Variants in PRKCB observed in about 807,000 individuals in gnomAD.
The protein encoded by PRKCB is protein kinase C beta.
In PRKCB, 13 loss-of-function variants were observed where a neutral mutation model predicts 81.5. That is an observed-to-expected ratio of 0.16 (90% CI 0.10 to 0.25). PRKCB has a LOEUF of 0.25. Ranked by LOEUF, PRKCB falls within the 10% of genes least tolerant of loss-of-function variation. The pLI, the probability that PRKCB is intolerant of heterozygous loss-of-function variation, is 1.00. For missense variants in PRKCB, 509 were observed against 875.7 expected (o/e 0.58, Z 5.29); for synonymous variants, 335 against 321.4 (o/e 1.04, Z -0.45).
At chr16:23,872,738 TG>T (rs1962925845) in intron 2 of PRKCB, among the ~76,000 whole-genome samples, 1 of 152,090 alleles carries the variant, frequency 6.6e-6, no homozygotes, top group South Asian at 2.1e-4. Flanking sequence ...ATTTTGTGTA[TG>T]GAAAGCACTG....
At position 24,219,464 on chromosome 16, in the gene PRKCB, A is replaced by T. The variant is rs1361214417; in HGVS notation, c.*4648A>T. On this transcript the variant is annotated 3_prime_UTR_variant, in exon 17 of 17. Coordinates refer to ENST00000643927, the MANE Select transcript of PRKCB (RefSeq NM_002738.7). ...AGTGATCTGATTTCTCCACATGGCC[A>T]TTCTGCCTTCTTGGGGGCAGAGTAG... The T allele has an allele frequency of 3.0e-6, 3 of 986,648 alleles. No homozygotes were observed. The highest frequency in any genetic ancestry group is 3.5e-5 in the African/African-American group (2 of 57,330). The allele number at this position is 986,648 out of a possible 1,614,324, so 61.1% of individuals were successfully genotyped here.
intron 16 of PRKCB, among the ~76,000 whole-genome samples, chr16:24,199,143 C>G (rs1400557400): frequency 1.3e-5 from 2 of 152,214 alleles, no homozygotes; most frequent in Admixed American, 1.3e-4. Context: ...CTGTTAGTAT[C>G]ATTTCCAAAA....
intron 4 of PRKCB, among the ~76,000 whole-genome samples, chr16:24,032,779 A>G (rs1965565840): frequency 6.6e-6 from 1 of 152,138 alleles, no homozygotes; most frequent in Non-Finnish European, 1.5e-5. Flanking sequence ...TTTGCTCCTG[A>G]TCCACTGGTC....
At chr16:23,867,987 A>G (rs1962835845) in intron 2 of PRKCB, among the ~76,000 whole-genome samples, 1 of 9,856 alleles carries the variant, frequency 1.0e-4, no homozygotes, top group Non-Finnish European at 1.5e-4. Flanking sequence ...CATCACACAT[A>G]AAACAGGGGA....
intron 2 of PRKCB, among the ~76,000 whole-genome samples, chr16:23,920,914 G>C (rs1315880278): frequency 6.6e-6 from 1 of 152,212 alleles, no homozygotes; most frequent in African/African-American, 2.4e-5. Flanking sequence ...AGGTTTAATG[G>C]ACTCACAGTT....
At chr16:24,061,943 T>C (rs1170048327) in intron 5 of PRKCB, among the ~76,000 whole-genome samples, 2 of 144,180 alleles carry the variant, frequency 1.4e-5, no homozygotes, top group Non-Finnish European at 3.0e-5. Context: ...ACTTGAGGCC[T>C]GCTGGACTTT....
At chr16:23,943,892 G>A (rs1964170579) in intron 2 of PRKCB, among the ~76,000 whole-genome samples, 1 of 152,134 alleles carries the variant, frequency 6.6e-6, no homozygotes, top group Admixed American at 6.5e-5. Context: ...AACATAGAGG[G>A]GAAAAGATCA....
At chr16:24,039,171 C>T (rs959712214) in intron 5 of PRKCB, among the ~76,000 whole-genome samples, 13 of 152,252 alleles carry the variant, frequency 8.5e-5, no homozygotes, top group East Asian at 3.9e-4. Context: ...GCTGGTACCT[C>T]GATCTTGGAC....
At position 24,037,204 on chromosome 16, in the gene PRKCB, G is replaced by C. The variant is rs542636864; in HGVS notation, c.529+1657G>C. On this transcript the variant is annotated intron_variant, in intron 5 of 16. Transcript: ENST00000643927. ...GGGTTTCACCACGTTGGCCAGGCTG[G>C]TCTAGAACTCCTGACCTCAAGTGAT... Among the ~76,000 whole-genome samples the C allele has an allele frequency of 3.3e-3, 509 of 152,204 alleles. 1 individual carries two copies. Among genetic ancestry groups the C allele is most frequent in the African/African-American group, 0.011 (472 of 41,542 alleles).
chr16:23,875,501 A>G (rs1962982429), intron 2 of PRKCB, among the ~76,000 whole-genome samples: 11 of 7,142 alleles, frequency 1.5e-3, no homozygotes, highest in Non-Finnish European at 2.2e-3. Flanking sequence ...ATATATATAT[A>G]TATATGATGT....
At chr16:24,204,982 T>A (rs1968021347) in intron 16 of PRKCB, among the ~76,000 whole-genome samples, 1 of 151,790 alleles carries the variant, frequency 6.6e-6, no homozygotes, top group Admixed American at 6.6e-5. Context: ...TAGCTGGGCA[T>A]GGTGATGGGT....
intron 8 of PRKCB, among the ~76,000 whole-genome samples, chr16:24,118,508 T>C (rs1418552877): frequency 6.6e-6 from 1 of 152,134 alleles, no homozygotes; most frequent in African/African-American, 2.4e-5. Context: ...TGGGAGTGCC[T>C]GTAGTAGTTC....
At chr16:24,200,946 C>T (rs995317330) in intron 16 of PRKCB, among the ~76,000 whole-genome samples, 1 of 152,064 alleles carries the variant, frequency 6.6e-6, no homozygotes, top group African/African-American at 2.4e-5. Context: ...TATTTTGATA[C>T]TGGTCCATGG....
chr16:24,133,798 AGGAGGCG>A (rs1301092128), intron 9 of PRKCB, among the ~76,000 whole-genome samples: 1 of 152,194 alleles, frequency 6.6e-6, no homozygotes, highest in Non-Finnish European at 1.5e-5. Context: ...TTCTCCAAGA[AGGAGGCG>A]GGACCTTGAA....
intron 9 of PRKCB, among the ~76,000 whole-genome samples, chr16:24,144,484 T>C (rs412499): frequency 0.38 from 57,617 of 151,870 alleles, 11,528 homozygotes; most frequent in African/African-American, 0.51. Flanking sequence ...TATTTTTAGT[T>C]GAGACAGGGT....
At chr16:24,112,767 T>C (rs1567378952) in intron 7 of PRKCB, among the ~76,000 whole-genome samples, 2 of 152,088 alleles carry the variant, frequency 1.3e-5, no homozygotes, top group Non-Finnish European at 2.9e-5. Context: ...ATGGAAGAGT[T>C]ACAAAAATAC....
Position 24,217,834 on chromosome 16 carries a change from T to C in PRKCB, c.*3018T>C. ...CTGCCTTTTAGCTCACACACTGTCC[T>C]GGAGTTCTCAGACCTTTAGGGGCCC... On this transcript the variant is annotated 3_prime_UTR_variant, in exon 17 of 17. Coordinates refer to ENST00000643927, the MANE Select transcript of PRKCB (RefSeq NM_002738.7). 1.0e-6 allele frequency: 1 copy of C among 985,494 alleles called. No individual in the cohort carries two copies. The highest frequency in any genetic ancestry group is 1.2e-6 in the Non-Finnish European group (1 of 829,968). The allele number at this position is 985,494 out of a possible 1,614,324, so 61.0% of individuals were successfully genotyped here.
At chr16:24,169,715 A>G (rs1967410659) in intron 10 of PRKCB, among the ~76,000 whole-genome samples, 1 of 151,850 alleles carries the variant, frequency 6.6e-6, no homozygotes, top group Non-Finnish European at 1.5e-5. Flanking sequence ...AATCCTCCAT[A>G]CTTTGCTCTG....
chr16:24,031,005 A>G (rs1596520262), intron 3 of PRKCB, among the ~76,000 whole-genome samples: 1 of 152,128 alleles, frequency 6.6e-6, no homozygotes, highest in African/African-American at 2.4e-5. Context: ...TCAAGGTCCC[A>G]GTGAGCTATA....
Sources: gnomAD v4.1 joint callset for allele counts (sites outside exome capture counted in the v4.1 genomes callset) on GRCh38, gnomAD v4.1.1 for gene constraint, MANE v1.5 for transcripts, NCBI Gene and HGNC (gene_info 2026-07-23, HGNC 2026-07-21) for gene names.